HHLA2: variants seen among roughly 807,000 people sequenced by gnomAD.
The protein encoded by HHLA2 is HERV-H LTR-associating protein 2.
A neutral mutation model predicts 45.9 loss-of-function variants in HHLA2; 48 were observed. The observed-to-expected ratio is 1.05, with a 90% confidence interval of 0.83 to 1.33. The LOEUF (loss-of-function observed/expected upper bound fraction) is 1.33. Among genes scored for constraint, HHLA2 ranks in the 40% most tolerant of loss-of-function variants. The pLI is 0.00. For missense variants in HHLA2, 462 were observed against 494.3 expected, an observed-to-expected ratio of 0.93 and a Z score of 0.62; for synonymous variants, 161 against 173.9, an observed-to-expected ratio of 0.93 and a Z score of 0.59.
intron 2 of HHLA2, among the ~76,000 whole-genome samples, chr3:108,321,712 TC>T (rs2081205676): frequency 6.6e-6 from 1 of 152,274 alleles, no homozygotes; most frequent in South Asian, 2.1e-4. Flanking sequence ...TGGAAAATTT[TC>T]TTAAATACTT....
At chr3:108,373,710 A>G (rs1299658146) in intron 8 of HHLA2, among the ~76,000 whole-genome samples, 1 of 151,522 alleles carries the variant, frequency 6.6e-6, no homozygotes, top group African/African-American at 2.4e-5. Flanking sequence ...CCAAATCATG[A>G]GTGAACTCCC....
chr3:108,316,783 T>C (rs544314422), intron 2 of HHLA2, among the ~76,000 whole-genome samples: 2 of 151,524 alleles, frequency 1.3e-5, no homozygotes, highest in Non-Finnish European at 2.9e-5. Context: ...TTAGGCCCTA[T>C]TTTTTTTTCC....
At chr3:108,343,589 G>A (rs2081612882) in intron 3 of HHLA2, among the ~76,000 whole-genome samples, 1 of 152,150 alleles carries the variant, frequency 6.6e-6, no homozygotes, top group African/African-American at 2.4e-5. Context: ...GATTGGATTT[G>A]CCTATTCTTC....
exon 11 of HHLA2, chr3:108,377,731 G>C (rs59960264): frequency 0.067 from 10,439 of 156,084 alleles, 627 homozygotes; most frequent in East Asian, 0.34. Flanking sequence ...CAAGATGATT[G>C]ATTTGACAAG....
chr3:108,333,291 G>A (rs1037464558), intron 3 of HHLA2, among the ~76,000 whole-genome samples: 12 of 152,144 alleles, frequency 7.9e-5, no homozygotes, highest in Non-Finnish European at 1.5e-4. Context: ...ACAATCTCAT[G>A]TCATAACCTT....
intron 6 of HHLA2, 34 bp downstream of exon 5, chr3:108,355,415 T>TG: frequency 6.3e-7 from 1 of 1,582,302 alleles, no homozygotes; most frequent in Non-Finnish European, 8.6e-7. Context: ...GTACACGTGC[T>TG]GTTTCAAAGT....
chr3:108,298,786 C>T (rs369690370), intron 1 of HHLA2, among the ~76,000 whole-genome samples: 5 of 152,138 alleles, frequency 3.3e-5, no homozygotes, highest in African/African-American at 4.8e-5. Context: ...CCTTAGTCCT[C>T]GATCTTGGAA....
At chr3:108,359,723 A>T (rs1330449774) in intron 7 of HHLA2, among the ~76,000 whole-genome samples, 3 of 152,196 alleles carry the variant, frequency 2.0e-5, no homozygotes, top group Non-Finnish European at 4.4e-5. Context: ...AGAAAAATGC[A>T]TATGAAAACC....
chr3:108,373,211 G>C (rs1411137470), intron 8 of HHLA2, among the ~76,000 whole-genome samples: 1 of 151,098 alleles, frequency 6.6e-6, no homozygotes, highest in African/African-American at 2.4e-5. Context: ...CATATAAACA[G>C]AACCAAAGAC....
At chr3:108,373,794 G>T (rs2082222897) in intron 8 of HHLA2, among the ~76,000 whole-genome samples, 1 of 151,908 alleles carries the variant, frequency 6.6e-6, no homozygotes, top group African/African-American at 2.4e-5. Flanking sequence ...CCTCTTCAAG[G>T]AGAACTATAA....
In HHLA2 at chr3:108,362,340, A is replaced by G; in HGVS notation, c.1004-2A>G. 6.3e-7 allele frequency: 1 copy of G among 1,583,734 alleles called. No homozygotes were observed. The highest frequency in any genetic ancestry group is 8.6e-7 in the Non-Finnish European group (1 of 1,166,472). On this transcript the variant is annotated splice_acceptor_variant, in intron 7 of 10. Transcript: ENST00000619531. LOFTEE classifies it high-confidence loss of function. ...GACTTTGTTTCTCCTTTTTTTTTTTAGAACCGAGCCAAGAAACAGCTTCCC... is the reference window on the plus strand; with the variant it reads ...GACTTTGTTTCTCCTTTTTTTTTTTGGAACCGAGCCAAGAAACAGCTTCCC...
In HHLA2 at chr3:108,354,888, C is replaced by T. The variant is rs1345199776; in HGVS notation, c.419-227C>T. ...AGAAAATTGAGATTGCTAGTTGCCA[C>T]ATACCCATGCCTGCTCTTTTTTTAT... On this transcript the variant is annotated intron_variant, in intron 5 of 10. Transcript: ENST00000619531. Among the ~76,000 whole-genome samples, 6 of 152,174 alleles carry T rather than the reference C, an allele frequency of 3.9e-5. No homozygotes were observed. The East Asian group carries it at 1.2e-3, about 29-fold the overall frequency.
chr3:108,340,530 T>G (rs1334112122), intron 3 of HHLA2, among the ~76,000 whole-genome samples: 1 of 152,234 alleles, frequency 6.6e-6, no homozygotes, highest in Admixed American at 6.5e-5. Flanking sequence ...CTACCTGGTA[T>G]ATCTGGGCAG....
chr3:108,375,314 C>T (rs933109579), intron 8 of HHLA2, among the ~76,000 whole-genome samples: 7 of 139,798 alleles, frequency 5.0e-5, no homozygotes, highest in Non-Finnish European at 1.1e-4. Context: ...GAACATCACA[C>T]ACCAGGGACT....
chr3:108,347,741 G>A lies in HHLA2; in HGVS notation c.-26-4047G>A, dbSNP rs140889417. 2.8e-3 allele frequency among the ~76,000 whole-genome samples: 421 copies of A among 152,234 alleles called. 4 individuals are homozygous for A. Among genetic ancestry groups the A allele is most frequent in the African/African-American group, 9.6e-3 (401 of 41,556 alleles). ...GAGCAGGATGGTAATGGTAGAGTTG[G>A]AGAGTAGGCAAATAATGGAGTTTAT... On this transcript the variant is annotated intron_variant, in intron 3 of 10. Coordinates refer to ENST00000619531, the Ensembl canonical transcript of HHLA2.
intron 8 of HHLA2, 62 bp downstream of exon 7, chr3:108,362,508 G>A: frequency 9.3e-7 from 1 of 1,078,066 alleles, no homozygotes; most frequent in Non-Finnish European, 1.4e-6. Context: ...AAGATAACAT[G>A]GAAATACATG....
At chr3:108,366,991 A>C (rs983400080) in intron 8 of HHLA2, among the ~76,000 whole-genome samples, 84 of 152,306 alleles carry the variant, frequency 5.5e-4, no homozygotes, top group African/African-American at 1.9e-3. Flanking sequence ...CTCTGGGACA[A>C]AGCCTCCAGA....
At chr3:108,341,616 A>C (rs1206331582) in intron 3 of HHLA2, among the ~76,000 whole-genome samples, 1 of 152,224 alleles carries the variant, frequency 6.6e-6, no homozygotes, top group Non-Finnish European at 1.5e-5. Flanking sequence ...AACAAAAAAA[A>C]ACAGAGCCCA....
chr3:108,323,716 G>A (rs2081242678), intron 2 of HHLA2, among the ~76,000 whole-genome samples: 1 of 152,122 alleles, frequency 6.6e-6, no homozygotes, highest in African/African-American at 2.4e-5. Context: ...TTCATGATTT[G>A]TGGCAGATTC....
Sources: allele counts gnomAD v4.1 joint callset (sites outside exome capture counted in the v4.1 genomes callset), GRCh38; gene constraint gnomAD v4.1.1; transcripts MANE v1.5; gene names NCBI Gene and HGNC (gene_info 2026-07-23, HGNC 2026-07-21).